Variants in UCHL5 observed in about 807,000 individuals in gnomAD.
The protein encoded by UCHL5 is ubiquitin carboxyl-terminal hydrolase isozyme L5.
In UCHL5, 34 loss-of-function variants were observed where a neutral mutation model predicts 53.8. That is an observed-to-expected ratio of 0.63 (90% CI 0.48 to 0.84). UCHL5 has a LOEUF of 0.84. Ranked by LOEUF, UCHL5 falls within the 40% of genes least tolerant of loss-of-function variation. The pLI, the probability that UCHL5 is intolerant of heterozygous loss-of-function variation, is 0.00. For missense variants in UCHL5, 290 were observed against 385.6 expected (o/e 0.75, Z 2.08); for synonymous variants, 111 against 126.3 (o/e 0.88, Z 0.81).
intron 3 of UCHL5, among the ~76,000 whole-genome samples, chr1:193,040,516 AG>A (rs1402876678): frequency 6.6e-6 from 1 of 152,240 alleles, no homozygotes; most frequent in Admixed American, 6.5e-5. Context: ...ATGTGGAGAA[AG>A]GGGAACCCTC....
chr1:193,023,806 CAAGCTAG>C, intron 8 of UCHL5, 31 bp downstream of exon 8: 1 of 1,477,456 alleles, frequency 6.8e-7, no homozygotes, highest in South Asian at 1.2e-5. Flanking sequence ...AGAGAATAAC[CAAGCTAG>C]AACTTTGTAC....
intron 2 of UCHL5, 105 bp from the exon 3 acceptor site, chr1:193,049,956 GAAGTA>G (rs1465533998): frequency 7.2e-6 from 7 of 973,874 alleles, no homozygotes; most frequent in Non-Finnish European, 8.7e-6. Context: ...TAATACAAAT[GAAGTA>G]AATATGGGAA....
At chr1:193,034,156 T>A (rs1662522543) in intron 3 of UCHL5, among the ~76,000 whole-genome samples, 1 of 152,016 alleles carries the variant, frequency 6.6e-6, no homozygotes, top group Admixed American at 6.5e-5. Flanking sequence ...AGAAATAAGA[T>A]CAGCCAGGTT....
At chr1:193,048,711 A>C (rs1668095627) in intron 3 of UCHL5, among the ~76,000 whole-genome samples, 1 of 152,240 alleles carries the variant, frequency 6.6e-6, no homozygotes, top group African/African-American at 2.4e-5. Context: ...CTGAATGAAG[A>C]AGCAGATAGG....
At chr1:193,046,801 T>C (rs1363673037) in intron 3 of UCHL5, among the ~76,000 whole-genome samples, 1 of 150,732 alleles carries the variant, frequency 6.6e-6, no homozygotes, top group African/African-American at 2.4e-5. Flanking sequence ...TTATTATGTG[T>C]TGTGAAATGA....
At chr1:193,059,623 G>A, upstream of UCHL5, 1 of 1,411,888 alleles carries the variant, frequency 7.1e-7, no homozygotes, top group South Asian at 1.1e-5. The surrounding 1 kb of genome is among the most constrained non-coding windows in gnomAD (Gnocchi z 4.9). Flanking sequence ...CTCGTTCCCG[G>A]GAACCGAACC....
rs141362393 is a variant in UCHL5 at position 193,020,681 on chromosome 1, C to T, written c.942+416G>A. Among the ~76,000 whole-genome samples, 279 of 151,830 alleles carry T rather than the reference C, an allele frequency of 1.8e-3. 3 individuals carry two copies. Among genetic ancestry groups the T allele is most frequent in the Non-Finnish European group, 1.4e-3 (97 of 67,778 alleles). On this transcript the variant is annotated intron_variant, in intron 10 of 10. Coordinates refer to ENST00000367454, the MANE Select transcript of UCHL5 (RefSeq NM_001199261.3). ...GATACTAAATTAGAAATAAGAAAAC[C>T]TATTTCGTAGTACAGGCTATTTTTT...
chr1:193,045,356 G>T (rs1242534333), intron 3 of UCHL5, among the ~76,000 whole-genome samples: 2 of 152,348 alleles, frequency 1.3e-5, no homozygotes, highest in East Asian at 1.9e-4. Context: ...GGTGGGGCCT[G>T]GTGGGAGGTG....
rs1452655278 is a variant in UCHL5, at chr1:193,014,599, T to C, written c.*1752A>G. The C allele has an allele frequency of 6.6e-6, 1 of 152,204 alleles. No homozygotes were observed. Among genetic ancestry groups the C allele is most frequent in the Non-Finnish European group, 1.5e-5 (1 of 68,014 alleles). The allele number at this position is 152,204 out of a possible 1,614,324, so 9.4% of individuals were successfully genotyped here. ...TTTTAAAATATTACATTTAGGTCTATGATTCATCTCAAAGTCATTTTTGTG... is the reference window on the plus strand; with the variant it reads ...TTTTAAAATATTACATTTAGGTCTACGATTCATCTCAAAGTCATTTTTGTG... On this transcript the variant is annotated 3_prime_UTR_variant, in exon 11 of 11. Coordinates refer to ENST00000367454, the MANE Select transcript of UCHL5 (RefSeq NM_001199261.3).
chr1:193,059,550 G>A (rs1485702712), upstream of UCHL5: 34 of 1,539,788 alleles, frequency 2.2e-5, no homozygotes, highest in Non-Finnish European at 2.8e-5. The surrounding 1 kb of genome is among the most constrained non-coding windows in gnomAD (Gnocchi z 4.9). Flanking sequence ...CAGCGCCGAG[G>A]AGGCAACATC....
intron 1 of UCHL5, among the ~76,000 whole-genome samples, chr1:193,052,877 C>T (rs1669515187): frequency 6.6e-6 from 1 of 152,134 alleles, no homozygotes; most frequent in Non-Finnish European, 1.5e-5. Flanking sequence ...CATCAGGTTT[C>T]AAAGTCTGGG....
rs1426342152 is a variant in UCHL5 at position 193,029,601 on chromosome 1, G to C, written c.303C>G (p.Thr101=). The part of the protein sequence containing the change: ...QAIVSVLLNC[T]HQDVHLGETL... ...TCTCGCCTAAATGGACATCCTGGTG[G>C]GTACAGTTCAGTAACACACTCACTA... The change falls in exon 4 of 11, where the codon ACC becomes ACG. Residue 101 remains threonine (T), a synonymous_variant. Coordinates refer to ENST00000367454, the MANE Select transcript of UCHL5 (RefSeq NM_001199261.3). The C allele has an allele frequency of 4.3e-6, 7 of 1,612,948 alleles. No homozygotes were observed. The highest frequency in any genetic ancestry group is 3.3e-5 in the Admixed American group (2 of 59,934).
upstream of UCHL5, chr1:193,059,415 G>A: frequency 1.2e-6 from 2 of 1,610,770 alleles, no homozygotes; most frequent in Non-Finnish European, 1.7e-6. The surrounding 1 kb of genome is among the most constrained non-coding windows in gnomAD (Gnocchi z 4.9). Context: ...GCCGTCACCT[G>A]CAGCGCGACT....
intron 2 of UCHL5, among the ~76,000 whole-genome samples, chr1:193,050,810 T>TG (rs1170452991): frequency 3.9e-5 from 6 of 151,978 alleles, no homozygotes; most frequent in Admixed American, 6.6e-5. Context: ...ATTTTAGACA[T>TG]GGGGTCTCAC....
rs780276637 is a variant in UCHL5 at position 193,059,282 on chromosome 1, C to G, written c.-22G>C. On this transcript the variant is annotated 5_prime_UTR_variant, in exon 1 of 11. Transcript: ENST00000367454. The surrounding 1 kb of genome is among the most constrained non-coding windows in gnomAD (Gnocchi z 4.9). ...TCATGGCCCTGGCCACACACCGCCC[C>G]GATCCACCTCTCGCTCTCAGCTGCC... The G allele has an allele frequency of 3.7e-6, 6 of 1,613,444 alleles. No individual in the cohort carries two copies. The highest frequency in any genetic ancestry group is 1.1e-5 in the South Asian group (1 of 90,970).
intron 10 of UCHL5, chr1:193,018,419 A>T: frequency 1.6e-5 from 10 of 636,778 alleles, no homozygotes; most frequent in Non-Finnish European, 2.0e-5. Flanking sequence ...CTTAAACTAG[A>T]TAATTTTATT....
At position 193,037,022 on chromosome 1, in the gene UCHL5, A is replaced by G. The variant is rs78375106; in HGVS notation, c.247-7365T>C. 3.5e-3 allele frequency among the ~76,000 whole-genome samples: 531 copies of G among 152,166 alleles called. 5 individuals carry two copies. The highest frequency in any genetic ancestry group is 0.025 in the Admixed American group (386 of 15,296). ...CAAAAGCATACTAAGAGGGAAATTC[A>G]TAGCGAAAATATCAAAAAAGTAGAA... On this transcript the variant is annotated intron_variant, in intron 3 of 10. Coordinates refer to ENST00000367454, the MANE Select transcript of UCHL5 (RefSeq NM_001199261.3).
intron 8 of UCHL5, among the ~76,000 whole-genome samples, chr1:193,023,553 T>C (rs944011953): frequency 6.6e-6 from 1 of 152,210 alleles, no homozygotes; most frequent in African/African-American, 2.4e-5. Context: ...CATTTGTTAG[T>C]CATTAAGTGA....
At chr1:193,042,868 T>C (rs1021128714) in intron 3 of UCHL5, among the ~76,000 whole-genome samples, 1 of 152,186 alleles carries the variant, frequency 6.6e-6, no homozygotes, top group African/African-American at 2.4e-5. Flanking sequence ...ATAAATTTTA[T>C]CTAGGCTCAT....
Sources: allele counts gnomAD v4.1 joint callset (sites outside exome capture counted in the v4.1 genomes callset), GRCh38; gene constraint gnomAD v4.1.1; non-coding constraint Gnocchi (gnomAD v3.1); transcripts MANE v1.5; gene names NCBI Gene and HGNC (gene_info 2026-07-23, HGNC 2026-07-21).